RUFY3: variants seen among roughly 807,000 people sequenced by gnomAD.
The protein encoded by RUFY3 is protein RUFY3.
RUFY3 carries 34 observed loss-of-function variants against 84.0 expected under a neutral mutation model. That is an observed-to-expected ratio of 0.40 (90% CI 0.31 to 0.54). RUFY3 has a LOEUF of 0.54. Among genes scored for constraint, RUFY3 ranks in the 20% least tolerant of loss-of-function variants. The pLI, the probability that RUFY3 is intolerant of heterozygous loss-of-function variation, is 0.39. For synonymous variants in RUFY3, 242 were observed against 252.9 expected (o/e 0.96, Z 0.41); for missense variants, 507 against 736.8 (o/e 0.69, Z 3.61).
At position 70,708,996 on chromosome 4, in the gene RUFY3, T is replaced by C. The variant is rs143751256; in HGVS notation, c.358+3702T>C. Among the ~76,000 whole-genome samples, 747 of 152,326 alleles carry C rather than the reference T, an allele frequency of 4.9e-3. 11 individuals carry two copies. Among genetic ancestry groups the C allele is most frequent in the African/African-American group, 0.017 (724 of 41,574 alleles). ...TGGCATGAGTCTGGGAAGTTGAGGA[T>C]GCAGTGAGTCGTGATCACACCACTG... On this transcript the variant is annotated intron_variant, in intron 1 of 11. Coordinates refer to the RUFY3 transcript ENST00000417478.
intron 7 of RUFY3, among the ~76,000 whole-genome samples, chr4:70,776,888 G>A (rs1041493038): frequency 2.6e-5 from 4 of 152,220 alleles, no homozygotes; most frequent in Non-Finnish European, 5.9e-5. Flanking sequence ...AAGGGCCACT[G>A]TCCTTACGAC....
intron 10 of RUFY3, among the ~76,000 whole-genome samples, chr4:70,785,290 A>T (rs1729598047): frequency 1.3e-5 from 2 of 152,002 alleles, no homozygotes; most frequent in Non-Finnish European, 2.9e-5. Context: ...CTGATTTATT[A>T]TTGGTCTTAG....
upstream of RUFY3, among the ~76,000 whole-genome samples, chr4:70,721,647 A>C (rs1742312816): frequency 6.6e-6 from 1 of 152,232 alleles, no homozygotes; most frequent in South Asian, 2.1e-4. Context: ...TGTAGATAAG[A>C]ATGAAAGAGG....
intron 12 of RUFY3, chr4:70,792,762 C>T (rs1731017792): frequency 1.0e-6 from 1 of 985,300 alleles, no homozygotes; most frequent in Non-Finnish European, 1.2e-6. Context: ...GGTCCCTGCA[C>T]AGATTGGACT....
intron 1 of RUFY3, among the ~76,000 whole-genome samples, chr4:70,753,481 A>T (rs771050027): frequency 3.3e-5 from 5 of 152,204 alleles, no homozygotes; most frequent in Non-Finnish European, 7.3e-5. Context: ...CTGTGAAATC[A>T]TGGAATTATA....
At chr4:70,750,764 G>A (rs1560493290) in intron 1 of RUFY3, among the ~76,000 whole-genome samples, 1 of 151,876 alleles carries the variant, frequency 6.6e-6, no homozygotes, top group Non-Finnish European at 1.5e-5. Flanking sequence ...TTTTTGAGGG[G>A]CTTCTTCAAG....
At chr4:70,800,623 C>T (rs1732100172) in intron 15 of RUFY3, among the ~76,000 whole-genome samples, 1 of 152,212 alleles carries the variant, frequency 6.6e-6, no homozygotes, top group African/African-American at 2.4e-5. Context: ...GTGGCTCACG[C>T]CTGTAATCCC....
chr4:70,733,155 AGAGAGAGAG>A (rs1560464269), intron 1 of RUFY3, among the ~76,000 whole-genome samples: 79 of 148,518 alleles, frequency 5.3e-4, no homozygotes, highest in African/African-American at 1.9e-3. Context: ...AGAGAGAGAG[AGAGAGAGAG>A]AGAAAGAAAG....
At chr4:70,791,484 T>TC (rs774280806) in intron 12 of RUFY3, 18 of 1,385,378 alleles carry the variant, frequency 1.3e-5, no homozygotes, top group Non-Finnish European at 1.6e-5. Context: ...TATTGTTTTC[T>TC]CCCCAGGGTT....
intron 1 of RUFY3, among the ~76,000 whole-genome samples, chr4:70,716,534 G>A (rs1741645920): frequency 6.6e-6 from 1 of 152,014 alleles, no homozygotes; most frequent in African/African-American, 2.4e-5. Context: ...CTACGGTTTG[G>A]ATGAATCTTA....
chr4:70,733,084 A>AGAGAGAGAGAG (rs1171419567), intron 1 of RUFY3, among the ~76,000 whole-genome samples: 1 of 93,560 alleles, frequency 1.1e-5, no homozygotes, highest in African/African-American at 5.1e-5. Flanking sequence ...AGAGAGAGAG[A>AGAGAGAGAGAG]GAGAGAGAGA....
intron 1 of RUFY3, among the ~76,000 whole-genome samples, chr4:70,730,846 T>C (rs1719138271): frequency 6.6e-6 from 1 of 152,120 alleles, no homozygotes; most frequent in South Asian, 2.1e-4. Flanking sequence ...TACACAACAC[T>C]CCTGTCCCAG....
intron 12 of RUFY3, chr4:70,791,271 A>C (rs959946827): frequency 6.2e-7 from 1 of 1,613,576 alleles, no homozygotes; most frequent in Non-Finnish European, 8.5e-7. Context: ...TAGTGCAGCA[A>C]ATAAACTGAT....
At chr4:70,774,644 A>AAAAAAAAATATATATAT (rs1553916771) in intron 6 of RUFY3, among the ~76,000 whole-genome samples, 1 of 56,674 alleles carries the variant, frequency 1.8e-5, no homozygotes, top group African/African-American at 8.4e-5. Context: ...AAAAAAAAAA[A>AAAAAAAAATATATATAT]ATATATATAT....
At chr4:70,786,519 C>G (rs1729842806) in intron 10 of RUFY3, among the ~76,000 whole-genome samples, 1 of 151,140 alleles carries the variant, frequency 6.6e-6, no homozygotes, top group African/African-American at 2.4e-5. Context: ...AAATATTTGT[C>G]TTTTCTTTAT....
chr4:70,772,615 A>G (rs1727151674), intron 5 of RUFY3, among the ~76,000 whole-genome samples: 1 of 152,138 alleles, frequency 6.6e-6, no homozygotes, highest in African/African-American at 2.4e-5. Context: ...CTGGTAAAAT[A>G]GGAAGGGAAG....
At chr4:70,749,343 C>G (rs1265610642) in intron 1 of RUFY3, among the ~76,000 whole-genome samples, 2 of 151,804 alleles carry the variant, frequency 1.3e-5, no homozygotes, top group Non-Finnish European at 2.9e-5. Flanking sequence ...GATATGGGAG[C>G]CCAATGAAGA....
At chr4:70,730,596 G>C (rs1188491375) in intron 1 of RUFY3, among the ~76,000 whole-genome samples, 1 of 143,592 alleles carries the variant, frequency 7.0e-6, no homozygotes, top group African/African-American at 2.8e-5. Flanking sequence ...AAGATTAGCT[G>C]GGCGTGGTGG....
chr4:70,789,906 G>A, intron 12 of RUFY3: 1 of 1,045,948 alleles, frequency 9.6e-7, no homozygotes, highest in Non-Finnish European at 1.2e-6. Flanking sequence ...TAAAAGCATG[G>A]AAGGACTCTT....
Sources: allele counts gnomAD v4.1 joint callset (sites outside exome capture counted in the v4.1 genomes callset), GRCh38; gene constraint gnomAD v4.1.1; transcripts MANE v1.5; gene names NCBI Gene and HGNC (gene_info 2026-07-23, HGNC 2026-07-21).